Variants in SGCZ observed in about 807,000 individuals in gnomAD.
The protein encoded by SGCZ is zeta-sarcoglycan.
SGCZ carries 40 observed loss-of-function variants against 41.3 expected under a neutral mutation model. The ratio of observed to expected loss-of-function variants is 0.97; its 90% CI spans 0.75 to 1.26. The LOEUF is 1.26. Ranked by LOEUF, SGCZ falls within the 50% of genes most tolerant of loss-of-function variation. The probability of loss-of-function intolerance (pLI) is 0.00; values close to 1 mark genes in which losing one functional copy is unlikely to be tolerated. For missense variants in SGCZ, 552 were observed against 369.8 expected (o/e 1.49, Z -4.04); for synonymous variants, 206 against 137.5 (o/e 1.50, Z -3.49).
intron 1 of SGCZ, among the ~76,000 whole-genome samples, chr8:14,656,373 G>A (rs1052815987): frequency 1.3e-4 from 19 of 142,924 alleles, no homozygotes; most frequent in African/African-American, 1.8e-4. Context: ...TTTTCTTTTC[G>A]TTTTTTCTTC....
At chr8:14,235,090 C>A (rs908474077) in intron 4 of SGCZ, among the ~76,000 whole-genome samples, 1 of 152,184 alleles carries the variant, frequency 6.6e-6, no homozygotes, top group Non-Finnish European at 1.5e-5. Flanking sequence ...CTTATAACAG[C>A]ATTCAAAATG....
At chr8:14,144,748 A>G (rs73213547) in intron 5 of SGCZ, among the ~76,000 whole-genome samples, 17,823 of 152,044 alleles carry the variant, frequency 0.12, 1,223 homozygotes, top group Middle Eastern at 0.2. Flanking sequence ...AGGGGAGCCT[A>G]TTGCCCTGAA....
chr8:14,707,520 C>A (rs1283400129), intron 1 of SGCZ, among the ~76,000 whole-genome samples: 1 of 152,108 alleles, frequency 6.6e-6, no homozygotes, highest in Admixed American at 6.6e-5. Context: ...AACAAAAGAA[C>A]CTCAAATCTA....
chr8:15,185,617 G>A (rs188282880), intron 1 of SGCZ, among the ~76,000 whole-genome samples: 123 of 152,204 alleles, frequency 8.1e-4, no homozygotes, highest in Non-Finnish European at 1.4e-3. Flanking sequence ...GAGAAACAGG[G>A]CTACCATCTT....
At chr8:14,757,622 G>T (rs554942352) in intron 1 of SGCZ, among the ~76,000 whole-genome samples, 11 of 152,288 alleles carry the variant, frequency 7.2e-5, no homozygotes, top group Non-Finnish European at 1.0e-4. Context: ...GTTGTTCTGA[G>T]TACCGGGTAG....
At chr8:14,198,488 T>G (rs148313249) in intron 4 of SGCZ, among the ~76,000 whole-genome samples, 190 of 152,142 alleles carry the variant, frequency 1.2e-3, no homozygotes, top group Middle Eastern at 6.8e-3. Flanking sequence ...ACCTATTGAA[T>G]AGTATGCAAA....
intron 3 of SGCZ, among the ~76,000 whole-genome samples, chr8:14,266,303 G>A (rs1419793593): frequency 6.6e-6 from 1 of 152,074 alleles, no homozygotes; most frequent in Admixed American, 6.5e-5. Context: ...TTCATTCAGG[G>A]TCTTCCATTT....
intron 2 of SGCZ, among the ~76,000 whole-genome samples, chr8:14,433,341 G>C (rs1799999476): frequency 1.3e-5 from 2 of 152,156 alleles, no homozygotes; most frequent in Admixed American, 1.3e-4. Flanking sequence ...CTAGATATTA[G>C]TGATATACGG....
chr8:15,080,649 G>A (rs1206571808), intron 1 of SGCZ, among the ~76,000 whole-genome samples: 2 of 152,038 alleles, frequency 1.3e-5, no homozygotes, highest in Non-Finnish European at 2.9e-5. Context: ...GGAGTGCAGT[G>A]GCGCAATCTC....
intron 1 of SGCZ, among the ~76,000 whole-genome samples, chr8:15,160,964 C>T (rs1799496210): frequency 6.6e-6 from 1 of 151,858 alleles, no homozygotes; most frequent in Non-Finnish European, 1.5e-5. Flanking sequence ...GTGGTGTGAG[C>T]TCACTCCTGG....
At chr8:15,000,768 C>T (rs1300543700) in intron 1 of SGCZ, among the ~76,000 whole-genome samples, 1 of 152,186 alleles carries the variant, frequency 6.6e-6, no homozygotes, top group Non-Finnish European at 1.5e-5. Flanking sequence ...TCAGACACCG[C>T]CTTCTCCAGC....
At chr8:14,992,154 C>T (rs1287112312) in intron 1 of SGCZ, among the ~76,000 whole-genome samples, 1 of 151,198 alleles carries the variant, frequency 6.6e-6, no homozygotes, top group East Asian at 2.0e-4. Context: ...ACCTCTCCCC[C>T]ATCATCCTCA....
intron 1 of SGCZ, among the ~76,000 whole-genome samples, chr8:14,572,847 T>C (rs1804596136): frequency 6.6e-6 from 1 of 152,082 alleles, no homozygotes; most frequent in South Asian, 2.1e-4. Flanking sequence ...TAAATCCAGG[T>C]CTGTTTTTTT....
chr8:14,916,418 G>T (rs1799440671), intron 1 of SGCZ, among the ~76,000 whole-genome samples: 1 of 152,112 alleles, frequency 6.6e-6, no homozygotes, highest in Non-Finnish European at 1.5e-5. Flanking sequence ...AGAAAGAAGG[G>T]AAATCGTTGA....
intron 5 of SGCZ, among the ~76,000 whole-genome samples, chr8:14,148,686 C>G (rs1803602845): frequency 1.3e-5 from 2 of 152,042 alleles, no homozygotes; most frequent in South Asian, 4.1e-4. Context: ...CAAACTCATT[C>G]TATACAATCA....
At chr8:14,116,683 T>C (rs1008802182) in intron 5 of SGCZ, among the ~76,000 whole-genome samples, 1 of 152,120 alleles carries the variant, frequency 6.6e-6, no homozygotes, top group East Asian at 1.9e-4. Context: ...TCCTTTGATT[T>C]TTATTTTATC....
chr8:15,046,636 A>C (rs1804311735), intron 1 of SGCZ, among the ~76,000 whole-genome samples: 1 of 151,948 alleles, frequency 6.6e-6, no homozygotes, highest in Admixed American at 6.6e-5. Context: ...CCTTTCCCTA[A>C]GTACTGACAT....
intron 3 of SGCZ, chr8:14,309,322 G>A: frequency 5.6e-6 from 9 of 1,597,744 alleles, no homozygotes; most frequent in Non-Finnish European, 7.7e-6. Context: ...TTGAGACTAT[G>A]TGGGAAGATG....
chr8:14,299,899 C>G (rs1023402361), intron 3 of SGCZ, among the ~76,000 whole-genome samples: 1 of 151,888 alleles, frequency 6.6e-6, no homozygotes, highest in Non-Finnish European at 1.5e-5. Context: ...CAATAAAATA[C>G]TACTCATCAG....
Sources: gnomAD v4.1 joint callset for allele counts (sites outside exome capture counted in the v4.1 genomes callset) on GRCh38, gnomAD v4.1.1 for gene constraint, MANE v1.5 for transcripts, NCBI Gene and HGNC (gene_info 2026-07-23, HGNC 2026-07-21) for gene names.